Variants in PARVB observed in about 807,000 individuals in gnomAD.
The protein encoded by PARVB is parvin beta, also known as beta-parvin.
A neutral mutation model predicts 47.0 loss-of-function variants in PARVB; 46 were observed. The ratio of observed to expected loss-of-function variants is 0.98; its 90% confidence interval spans 0.77 to 1.25. The LOEUF is 1.25. PARVB is among the 50% of genes most tolerant of loss of function. The pLI is 0.00. For synonymous variants in PARVB, 196 were observed against 196.3 expected, an observed-to-expected ratio of 1.00 and a Z score of 0.01; for missense variants, 473 against 471.6, an observed-to-expected ratio of 1.00 and a Z score of -0.03.
rs554701165 is a variant in PARVB, at chr22:44,068,626, C to T, written c.113-25302C>T. Among the ~76,000 whole-genome samples, 98 of 152,318 alleles carry T rather than the reference C, an allele frequency of 6.4e-4. No individual in the cohort carries two copies. Among genetic ancestry groups the T allele is most frequent in the Middle Eastern group, 3.4e-3 (1 of 294 alleles). On this transcript the variant is annotated intron_variant, in intron 1 of 12. Transcript: ENST00000338758. The surrounding 1 kb of genome is among the most constrained non-coding windows in gnomAD (Gnocchi z 4.1). ...TAGCATTTGGTCCTCCTGACGTAGT[C>T]GGCACACGGGAGATGCAGCTGGGGT...
At chr22:44,055,678 C>CTCTCTATATATATATATATATATA (rs1438284048) in intron 1 of PARVB, among the ~76,000 whole-genome samples, 3 of 142,680 alleles carry the variant, frequency 2.1e-5, no homozygotes, top group African/African-American at 7.9e-5. Context: ...CTCTCTCTCT[C>CTCTCTATATATATATATATATATA]TATATATATA....
At position 44,172,518 on chromosome 22, in the gene PARVB, A is replaced by G. The variant is rs557686459; in HGVS notation, c.*3840A>G. On this transcript the variant is annotated 3_prime_UTR_variant, in exon 13 of 13. Coordinates refer to ENST00000338758, the MANE Select transcript of PARVB (RefSeq NM_013327.5). ...CCTTCTCCATGTGACGTGTCTCTCA[A>G]CCCACACCAGCTAGGGGAGCCTCCC... The G allele has an allele frequency of 6.0e-6, 1 of 167,816 alleles. No homozygotes were observed. The highest frequency in any genetic ancestry group is 1.9e-4 in the East Asian group (1 of 5,404). The allele number at this position is 167,816 out of a possible 1,614,324, so 10.4% of individuals were successfully genotyped here. A position where few individuals can be genotyped will look rare whatever the true frequency, so the allele number is the denominator to read the frequency against.
At chr22:44,062,763 C>T (rs2051443963) in intron 1 of PARVB, among the ~76,000 whole-genome samples, 1 of 152,150 alleles carries the variant, frequency 6.6e-6, no homozygotes, top group Non-Finnish European at 1.5e-5. Flanking sequence ...CTGGGAGGGC[C>T]CCCAGCACAG....
At chr22:44,024,228 GGGGGCGGGACC>G (rs953265805), upstream of PARVB, 37 of 395,408 alleles carry the variant, frequency 9.4e-5, no homozygotes, top group Non-Finnish European at 1.2e-4. Flanking sequence ...GGCCAGGGGC[GGGGGCGGGACC>G]GGGGCGGGGG....
chr22:44,136,588 T>C, intron 7 of PARVB, 70 bp downstream of exon 7: 1 of 1,300,134 alleles, frequency 7.7e-7, no homozygotes, highest in Non-Finnish European at 1.1e-6. Context: ...GGCTGCCACT[T>C]CAGCCAGGGA....
At chr22:44,072,667 C>T (rs950516638) in intron 1 of PARVB, among the ~76,000 whole-genome samples, 10 of 152,120 alleles carry the variant, frequency 6.6e-5, no homozygotes, top group South Asian at 2.1e-4. Context: ...GTCTCGAACT[C>T]CTGACCTCAA....
At chr22:44,116,148 TC>T (rs2052896764) in intron 3 of PARVB, 1 of 152,376 alleles carries the variant, frequency 6.6e-6, no homozygotes, top group Admixed American at 6.5e-5. Context: ...TTTCCTTGTT[TC>T]TGTTGACCTT....
intron 9 of PARVB, chr22:44,148,827 G>A (rs2053742205): frequency 1.3e-5 from 2 of 152,172 alleles, no homozygotes; most frequent in Admixed American, 1.3e-4. Flanking sequence ...ATGTTGGCCT[G>A]GGTTTGGACG....
chr22:44,088,632 T>C (rs886702708), intron 1 of PARVB, among the ~76,000 whole-genome samples: 1 of 152,118 alleles, frequency 6.6e-6, no homozygotes, highest in Non-Finnish European at 1.5e-5. Flanking sequence ...CTGCCACGCC[T>C]GACTAATGTT....
chr22:44,060,402 TA>T (rs1207447373), intron 1 of PARVB, among the ~76,000 whole-genome samples: 1 of 152,122 alleles, frequency 6.6e-6, no homozygotes, highest in Non-Finnish European at 1.5e-5. Flanking sequence ...TCGTTTTCAA[TA>T]GGAAACTTTT....
In PARVB at chr22:44,171,356, C is replaced by A. The variant is rs73163818; in HGVS notation, c.*2678C>A. 0.088 allele frequency: 13,409 copies of A among 151,992 alleles called. 860 individuals are homozygous for A. The highest frequency in any genetic ancestry group is 0.25 in the South Asian group (1,223 of 4,810). 9.4% of individuals were successfully genotyped at this position (151,992 alleles called of 1,614,324 possible). On this transcript the variant is annotated 3_prime_UTR_variant, in exon 13 of 13. Coordinates refer to ENST00000338758, the MANE Select transcript of PARVB (RefSeq NM_013327.5). ...ACTAAAAATACAAAAATTAGCCATG[C>A]ATGGTATGTATGCCTGTAATCCCAG...
intron 8 of PARVB, chr22:44,142,397 A>T (rs1034202136): frequency 0.015 from 2,191 of 149,232 alleles, 36 homozygotes; most frequent in Non-Finnish European, 0.026. Flanking sequence ...AAAAAAAAAA[A>T]AAAAAAAAAA....
chr22:43,999,722 A>G (rs899219632), intron 2 of PARVB: 1 of 1,316,982 alleles, frequency 7.6e-7, no homozygotes, highest in Non-Finnish European at 1.1e-6. Context: ...GGCTGGGTGC[A>G]GTGGCTCATG....
intron 1 of PARVB, among the ~76,000 whole-genome samples, chr22:44,025,396 A>G (rs2050712282): frequency 6.6e-6 from 1 of 151,926 alleles, no homozygotes; most frequent in African/African-American, 2.4e-5. Context: ...TTGTATTCCT[A>G]GGGATGTGTG....
chr22:44,004,530 C>G (rs190686113), intron 2 of PARVB, among the ~76,000 whole-genome samples: 1 of 152,202 alleles, frequency 6.6e-6, no homozygotes, highest in African/African-American at 2.4e-5. Context: ...TCCTGCTTAC[C>G]TCCCTAGCAT....
intron 1 of PARVB, among the ~76,000 whole-genome samples, chr22:44,075,865 T>C (rs1030390181): frequency 6.6e-6 from 1 of 152,258 alleles, no homozygotes; most frequent in Non-Finnish European, 1.5e-5. Context: ...CTGCTCTTGC[T>C]GCAGATGTAT....
intron 1 of PARVB, among the ~76,000 whole-genome samples, chr22:44,051,974 G>A (rs1238828566): frequency 3.3e-5 from 5 of 152,120 alleles, no homozygotes; most frequent in African/African-American, 9.7e-5. Flanking sequence ...CCAGAAACTG[G>A]GAAGAGGCCA....
At chr22:44,007,201 TG>T (rs1281776248) in intron 2 of PARVB, among the ~76,000 whole-genome samples, 1 of 133,704 alleles carries the variant, frequency 7.5e-6, no homozygotes, top group Non-Finnish European at 1.6e-5. Flanking sequence ...TCAGGTCTAG[TG>T]GGGAAGAACA....
intron 10 of PARVB, chr22:44,153,742 G>A (rs1027150620): frequency 6.6e-6 from 1 of 152,202 alleles, no homozygotes; most frequent in Non-Finnish European, 1.5e-5. Context: ...GTGTGTGTGT[G>A]TGTTTCTATC....
Sources: gnomAD v4.1 joint callset for allele counts (sites outside exome capture counted in the v4.1 genomes callset) on GRCh38, gnomAD v4.1.1 for gene constraint, Gnocchi (gnomAD v3.1) non-coding constraint, MANE v1.5 for transcripts, NCBI Gene and HGNC (gene_info 2026-07-23, HGNC 2026-07-21) for gene names.